The following SBF2 variants were observed in gnomAD, a reference collection of about 807,000 sequenced individuals.
SBF2 encodes myotubularin-related protein 13.
SBF2 carries 112 observed loss-of-function variants against 225.2 expected under a neutral mutation model. The ratio of observed to expected loss-of-function variants is 0.50; its 90% CI spans 0.43 to 0.58. The LOEUF is 0.58. SBF2 is among the 20% of genes least tolerant of loss of function. The probability of loss-of-function intolerance (pLI) is 0.00; values close to 1 mark genes in which losing one functional copy is unlikely to be tolerated. For missense variants in SBF2, 1,996 were observed against 2,206.2 expected (o/e 0.90, Z 1.91); for synonymous variants, 763 against 773.3 (o/e 0.99, Z 0.22).
intron 6 of SBF2, among the ~76,000 whole-genome samples, chr11:10,006,077 T>C (rs911017533): frequency 2.0e-5 from 3 of 152,198 alleles, no homozygotes; most frequent in Admixed American, 6.5e-5. Flanking sequence ...TCAACTCAAA[T>C]TGGCTCTTTT....
chr11:10,090,968 C>G (rs1951761863), intron 2 of SBF2, among the ~76,000 whole-genome samples: 1 of 152,056 alleles, frequency 6.6e-6, no homozygotes, highest in Non-Finnish European at 1.5e-5. Context: ...GCAATTCTCA[C>G]ACACCAAAAT....
At chr11:9,886,699 G>GTGTTTTTTT (rs1554941773) in intron 17 of SBF2, among the ~76,000 whole-genome samples, 29 of 133,766 alleles carry the variant, frequency 2.2e-4, no homozygotes, top group Admixed American at 2.3e-4. Flanking sequence ...TGATTCATGT[G>GTGTTTTTTT]TTTTTTTTTT....
chr11:10,110,710 A>C (rs191048786), intron 2 of SBF2, among the ~76,000 whole-genome samples: 1 of 152,294 alleles, frequency 6.6e-6, no homozygotes, highest in Non-Finnish European at 1.5e-5. Flanking sequence ...AGAAAAAAAC[A>C]AAAATGGTTC....
chr11:10,090,913 G>T (rs1951760159), intron 2 of SBF2, among the ~76,000 whole-genome samples: 1 of 151,944 alleles, frequency 6.6e-6, no homozygotes, highest in Non-Finnish European at 1.5e-5. Context: ...AGCTCCAGGG[G>T]CTATGAACAA....
intron 1 of SBF2, among the ~76,000 whole-genome samples, chr11:10,292,498 G>A (rs1964221928): frequency 1.3e-5 from 2 of 151,952 alleles, no homozygotes; most frequent in African/African-American, 4.8e-5. Flanking sequence ...TGGCCAGGAT[G>A]GTGAAATCCC....
chr11:10,031,186 C>A lies in SBF2; in HGVS notation c.280-16G>T, dbSNP rs1949242212. The stretch of plus-strand genomic sequence containing the variant: ...TCTTTGTTCCCTAGAAAAAGAGACA[C>A]TGAAATCAACAAACAGAAGGGATTT... On this transcript the variant is annotated splice_polypyrimidine_tract_variant and intron_variant, in intron 3 of 39. Coordinates refer to ENST00000256190, the MANE Select transcript of SBF2 (RefSeq NM_030962.4). The A allele has an allele frequency of 6.2e-7, 1 of 1,612,360 alleles. No homozygotes were observed. The highest frequency in any genetic ancestry group is 8.5e-7 in the Non-Finnish European group (1 of 1,179,134).
intron 2 of SBF2, among the ~76,000 whole-genome samples, chr11:10,181,263 A>T (rs1389728729): frequency 6.6e-6 from 1 of 152,154 alleles, no homozygotes; most frequent in African/African-American, 2.4e-5. Flanking sequence ...TTTTATTATC[A>T]TCTCAGCAAT....
At chr11:10,210,769 T>C (rs1204685706) in intron 1 of SBF2, among the ~76,000 whole-genome samples, 1 of 151,844 alleles carries the variant, frequency 6.6e-6, no homozygotes, top group Non-Finnish European at 1.5e-5. Context: ...TCCCAGCACT[T>C]TGGGAGGCCG....
chr11:9,910,842 A>G (rs1165978625), intron 16 of SBF2, among the ~76,000 whole-genome samples: 1 of 143,922 alleles, frequency 6.9e-6, no homozygotes, highest in South Asian at 2.2e-4. Flanking sequence ...AGGTCAGGAG[A>G]TTGAGACCAT....
chr11:10,037,630 T>A (rs1447770155), intron 3 of SBF2, among the ~76,000 whole-genome samples: 1 of 142,280 alleles, frequency 7.0e-6, no homozygotes, highest in African/African-American at 2.5e-5. Flanking sequence ...GTACAGCAAC[T>A]TTTGTTAAAA....
intron 13 of SBF2, among the ~76,000 whole-genome samples, chr11:9,979,221 G>C (rs1946836774): frequency 6.6e-6 from 1 of 152,138 alleles, no homozygotes; most frequent in Non-Finnish European, 1.5e-5. Context: ...TTGTCGTTAT[G>C]AGGATGAGAG....
In SBF2 at chr11:9,962,104, G is replaced by A; in HGVS notation, c.1713C>T (p.Thr571=). ...TAAGGGCTCTGAGTGCAGCAGGAAG[G>A]GTCTGAGGACAAGAGAGGTACAAAT... ...FENKILETEK[T]LPAALRALKG... is the part of the protein sequence containing the mutation. The change falls in exon 16 of 40, where the codon ACC becomes ACT. Residue 571 remains threonine (T), a splice_region_variant and synonymous_variant. Transcript: ENST00000256190. 1 of 1,613,990 alleles carries A rather than the reference G, an allele frequency of 6.2e-7. No individual in the cohort carries two copies. The highest frequency in any genetic ancestry group is 2.2e-5 in the East Asian group (1 of 44,866).
intron 7 of SBF2, among the ~76,000 whole-genome samples, chr11:10,001,748 G>A (rs746305611): frequency 6.6e-6 from 1 of 151,926 alleles, no homozygotes; most frequent in African/African-American, 2.4e-5. Flanking sequence ...GGATGGTATG[G>A]ATCTCTTGAC....
At chr11:10,084,263 G>C (rs1415765624) in intron 2 of SBF2, among the ~76,000 whole-genome samples, 1 of 151,938 alleles carries the variant, frequency 6.6e-6, no homozygotes, top group Non-Finnish European at 1.5e-5. Flanking sequence ...AAAAAAGTGT[G>C]CAAAAGACAT....
intron 2 of SBF2, among the ~76,000 whole-genome samples, chr11:10,127,194 T>C (rs1470731478): frequency 6.6e-6 from 1 of 152,136 alleles, no homozygotes; most frequent in Non-Finnish European, 1.5e-5. Flanking sequence ...GTACATTTTA[T>C]GTGTATGCAT....
intron 2 of SBF2, among the ~76,000 whole-genome samples, chr11:10,050,528 A>G (rs1450511683): frequency 6.6e-6 from 1 of 152,198 alleles, no homozygotes; most frequent in Non-Finnish European, 1.5e-5. Flanking sequence ...ATAATAAAAT[A>G]TAACAATTAT....
At chr11:9,827,910 A>T (rs1855162420) in intron 28 of SBF2, among the ~76,000 whole-genome samples, 2 of 152,192 alleles carry the variant, frequency 1.3e-5, no homozygotes, top group African/African-American at 4.8e-5. Flanking sequence ...CAAACTTATC[A>T]ATATATATGA....
chr11:10,113,562 G>C (rs1952981243), intron 2 of SBF2, among the ~76,000 whole-genome samples: 1 of 152,002 alleles, frequency 6.6e-6, no homozygotes, highest in African/African-American at 2.4e-5. Context: ...CCTAACACAT[G>C]CCAGGTATTT....
At chr11:10,294,349 G>A (rs891457531), upstream of SBF2, 22 of 328,070 alleles carry the variant, frequency 6.7e-5, no homozygotes, top group Non-Finnish European at 1.1e-4. Context: ...TGGGGGAGTG[G>A]GCGGTCGGGC....
Sources: allele counts gnomAD v4.1 joint callset (sites outside exome capture counted in the v4.1 genomes callset), GRCh38; gene constraint gnomAD v4.1.1; transcripts MANE v1.5; gene names NCBI Gene and HGNC (gene_info 2026-07-23, HGNC 2026-07-21).